The following ARHGAP42 variants were observed in gnomAD, a reference collection of about 807,000 sequenced individuals.
The protein encoded by ARHGAP42 is Rho GTPase activating protein 42.
In ARHGAP42, 63 loss-of-function variants were observed where a neutral mutation model predicts 125.0. The ratio of observed to expected loss-of-function variants is 0.50; its 90% confidence interval spans 0.41 to 0.62. The LOEUF (loss-of-function observed/expected upper bound fraction) is 0.62. Ranked by LOEUF, ARHGAP42 falls within the 20% of genes least tolerant of loss-of-function variation. ARHGAP42 has a pLI of 0.00. For synonymous variants in ARHGAP42, 339 were observed against 351.0 expected (o/e 0.97, Z 0.38); for missense variants, 766 against 1,024.2 (o/e 0.75, Z 3.44).
chr11:100,879,479 T>G (rs1865905893), intron 4 of ARHGAP42, among the ~76,000 whole-genome samples: 1 of 152,168 alleles, frequency 6.6e-6, no homozygotes, highest in Non-Finnish European at 1.5e-5. Context: ...CATTCATTCT[T>G]TATTTGGTGG....
At chr11:100,903,152 C>CACACACACAT (rs1866605720) in intron 4 of ARHGAP42, among the ~76,000 whole-genome samples, 1 of 151,804 alleles carries the variant, frequency 6.6e-6, no homozygotes, top group Non-Finnish European at 1.5e-5. Flanking sequence ...CACACACACA[C>CACACACACAT]ACACCAAGCT....
chr11:100,788,979 G>T (rs1330939572), intron 2 of ARHGAP42, among the ~76,000 whole-genome samples: 2 of 152,058 alleles, frequency 1.3e-5, no homozygotes, highest in Non-Finnish European at 2.9e-5. Flanking sequence ...GTAGTATAAT[G>T]CTGGGTATCA....
At chr11:100,854,518 G>C (rs576663058) in intron 3 of ARHGAP42, among the ~76,000 whole-genome samples, 2 of 151,970 alleles carry the variant, frequency 1.3e-5, no homozygotes, top group Non-Finnish European at 2.9e-5. Flanking sequence ...TTTTTCAGTC[G>C]TTTGCTCACA....
chr11:100,926,957 A>G (rs750582735), intron 6 of ARHGAP42, among the ~76,000 whole-genome samples: 3 of 152,194 alleles, frequency 2.0e-5, no homozygotes, highest in Admixed American at 1.3e-4. Flanking sequence ...AGAGTCCATT[A>G]TAGTCTTTCT....
intron 6 of ARHGAP42, among the ~76,000 whole-genome samples, chr11:100,929,423 T>TA (rs1267073096): frequency 6.6e-6 from 1 of 152,214 alleles, no homozygotes; most frequent in Non-Finnish European, 1.5e-5. Context: ...TTTGTGTAGA[T>TA]ACATGTTTTT....
chr11:100,739,574 C>G (rs965583255), intron 1 of ARHGAP42, among the ~76,000 whole-genome samples: 23 of 152,158 alleles, frequency 1.5e-4, no homozygotes, highest in Non-Finnish European at 2.6e-4. Context: ...TGTGCTAAAT[C>G]TTTAAAACTA....
intron 1 of ARHGAP42, among the ~76,000 whole-genome samples, chr11:100,739,135 T>TC (rs1242506710): frequency 6.6e-6 from 1 of 152,096 alleles, no homozygotes; most frequent in Non-Finnish European, 1.5e-5. Flanking sequence ...GTTCAAGTTA[T>TC]CTTAGAGTCT....
intron 1 of ARHGAP42, among the ~76,000 whole-genome samples, chr11:100,763,242 A>G (rs756683081): frequency 3.1e-4 from 47 of 151,898 alleles, no homozygotes; most frequent in Non-Finnish European, 5.4e-4. Context: ...CGGCCTCCCA[A>G]AGTGCTGGGA....
intron 3 of ARHGAP42, among the ~76,000 whole-genome samples, chr11:100,818,240 A>T (rs1480050113): frequency 6.6e-6 from 1 of 152,124 alleles, no homozygotes; most frequent in Non-Finnish European, 1.5e-5. Context: ...GCAATCATCC[A>T]CTGACCCATT....
intron 4 of ARHGAP42, among the ~76,000 whole-genome samples, chr11:100,903,236 T>C (rs1379494658): frequency 6.6e-6 from 1 of 151,838 alleles, no homozygotes; most frequent in East Asian, 1.9e-4. Context: ...TAATATAATA[T>C]AAAAATTTAA....
At chr11:100,922,104 T>A (rs922499421) in intron 6 of ARHGAP42, among the ~76,000 whole-genome samples, 6 of 152,038 alleles carry the variant, frequency 3.9e-5, no homozygotes, top group Non-Finnish European at 8.8e-5. Context: ...AGAAATTTTT[T>A]AAAAAGAGGA....
At position 100,909,784 on chromosome 11, in the gene ARHGAP42, G is replaced by A. The variant is rs905827723; in HGVS notation, c.385-3668G>A. ...TTTCCAGCATCATTTATTGAATAGG[G>A]TGTCCTTTCCCTATTATATATTTTT... On this transcript the variant is annotated intron_variant, in intron 4 of 23. Coordinates refer to ENST00000298815, the MANE Select transcript of ARHGAP42 (RefSeq NM_152432.4). 2.0e-5 allele frequency among the ~76,000 whole-genome samples: 3 copies of A among 152,062 alleles called. 1 individual carries two copies. The highest frequency in any genetic ancestry group is 4.2e-4 in the South Asian group (2 of 4,816).
chr11:100,861,775 C>T (rs2135144008), intron 4 of ARHGAP42, among the ~76,000 whole-genome samples: 1 of 152,238 alleles, frequency 6.6e-6, no homozygotes, highest in South Asian at 2.1e-4. Flanking sequence ...AATTTAGGCT[C>T]CTCTGAGACA....
chr11:100,756,566 GTTT>G (rs1347263023), intron 1 of ARHGAP42, among the ~76,000 whole-genome samples: 1 of 152,176 alleles, frequency 6.6e-6, no homozygotes, highest in Admixed American at 6.5e-5. Context: ...CATTTGTTAA[GTTT>G]TTTATTGAAT....
At chr11:100,737,998 C>T (rs566559795) in intron 1 of ARHGAP42, among the ~76,000 whole-genome samples, 25 of 152,234 alleles carry the variant, frequency 1.6e-4, no homozygotes, top group African/African-American at 3.6e-4. Context: ...AGAATCCTTA[C>T]GTTTTGCACA....
At chr11:100,919,833 T>G (rs145638436) in intron 5 of ARHGAP42, among the ~76,000 whole-genome samples, 106 of 152,324 alleles carry the variant, frequency 7.0e-4, no homozygotes, top group African/African-American at 2.3e-3. Flanking sequence ...AGAGCCCTTT[T>G]CCTGCGTCTC....
chr11:100,767,306 G>A (rs912718346), intron 1 of ARHGAP42, among the ~76,000 whole-genome samples: 4 of 152,142 alleles, frequency 2.6e-5, no homozygotes, highest in African/African-American at 9.7e-5. Context: ...GGATACTGAG[G>A]TACAGAGAGG....
chr11:100,987,618 A>G, intron 23 of ARHGAP42, 26 bp downstream of exon 23: 1 of 1,540,922 alleles, frequency 6.5e-7, no homozygotes, highest in Non-Finnish European at 8.8e-7. Flanking sequence ...CCCTCTGCCT[A>G]AGTTTGTCAT....
At chr11:100,968,768 G>A (rs1468777671) in intron 17 of ARHGAP42, among the ~76,000 whole-genome samples, 1 of 151,790 alleles carries the variant, frequency 6.6e-6, no homozygotes, top group Non-Finnish European at 1.5e-5. Flanking sequence ...TTTCATTTGG[G>A]CTGTTACTGT....
Sources: gnomAD v4.1 joint callset for allele counts (sites outside exome capture counted in the v4.1 genomes callset) on GRCh38, gnomAD v4.1.1 for gene constraint, MANE v1.5 for transcripts, NCBI Gene and HGNC (gene_info 2026-07-23, HGNC 2026-07-21) for gene names.